The following RAB14 variants were observed in gnomAD, a reference collection of about 807,000 sequenced individuals.
RAB14 encodes ras-related protein Rab-14.
A neutral mutation model predicts 31.1 loss-of-function variants in RAB14; 3 were observed. That is an observed-to-expected ratio of 0.10 (90% CI 0.04 to 0.25). The LOEUF is 0.25. Ranked by LOEUF, RAB14 falls within the 10% of genes least tolerant of loss-of-function variation. RAB14 has a pLI of 1.00. For missense variants in RAB14, 111 were observed against 260.1 expected (o/e 0.43, Z 3.94); for synonymous variants, 85 against 84.9 (o/e 1.00, Z 0.00).
chr9:121,186,016 T>C (rs2132023474), intron 5 of RAB14, among the ~76,000 whole-genome samples: 1 of 152,290 alleles, frequency 6.6e-6, no homozygotes, highest in Non-Finnish European at 1.5e-5. Context: ...TAAAAGCTCA[T>C]CTTACCACTG....
chr9:121,179,101 T>C lies in RAB14; in HGVS notation c.*2295A>G, dbSNP rs2053617825. The C allele has an allele frequency of 6.6e-6, 1 of 152,156 alleles. No homozygotes were observed. The highest frequency in any genetic ancestry group is 6.5e-5 in the Admixed American group (1 of 15,276). The allele number at this position is 152,156 out of a possible 1,614,324, so 9.4% of individuals were successfully genotyped here. A position where few individuals can be genotyped will look rare whatever the true frequency, so the allele number is the denominator to read the frequency against. ...CACTGAAAAGGGTTGACTGAAAACATTTCAAGGGTAATGTAAACACAAGAA... is the reference window on the plus strand; with the variant it reads ...CACTGAAAAGGGTTGACTGAAAACACTTCAAGGGTAATGTAAACACAAGAA... On this transcript the variant is annotated 3_prime_UTR_variant, in exon 8 of 8. Coordinates refer to ENST00000373840, the MANE Select transcript of RAB14 (RefSeq NM_016322.4).
rs964051599 is a variant in RAB14, at chr9:121,180,033, G to A, written c.*1363C>T. 2.6e-5 allele frequency: 4 copies of A among 152,596 alleles called. No homozygotes were observed. The East Asian group carries it at 5.8e-4, about 22-fold the overall frequency. 9.5% of individuals were successfully genotyped at this position (152,596 alleles called of 1,614,324 possible). A position where few individuals can be genotyped will look rare whatever the true frequency, so the allele number is the denominator to read the frequency against. On this transcript the variant is annotated 3_prime_UTR_variant, in exon 8 of 8. Coordinates refer to ENST00000373840, the MANE Select transcript of RAB14 (RefSeq NM_016322.4). ...TCTTGCTATACAGTATTAATTCAGT[G>A]GCCAAACCACCTGGTGCAAAGTAAT...
At position 121,184,384 on chromosome 9, in the gene RAB14, T is replaced by G. The variant is rs1054724396; in HGVS notation, c.352-986A>C. ...TCTGCAAAGTTGTAAGAAAAAAATA[T>G]GTACCCTTGGGAAACAGCAAAGGGC... On this transcript the variant is annotated intron_variant, in intron 5 of 7. Transcript: ENST00000373840. Among the ~76,000 whole-genome samples the G allele has an allele frequency of 9.2e-5, 14 of 152,098 alleles. 1 individual carries two copies. The highest frequency in any genetic ancestry group is 1.9e-4 in the East Asian group (1 of 5,190).
intron 4 of RAB14, among the ~76,000 whole-genome samples, chr9:121,189,744 A>G (rs193167192): frequency 6.6e-6 from 1 of 152,264 alleles, no homozygotes; most frequent in Admixed American, 6.5e-5. Flanking sequence ...GCATTTTCCG[A>G]AAGGAAATAT....
At chr9:121,198,123 AATT>A (rs1258935163) in intron 1 of RAB14, among the ~76,000 whole-genome samples, 2 of 152,100 alleles carry the variant, frequency 1.3e-5, no homozygotes, top group Non-Finnish European at 2.9e-5. Context: ...GGAATAGAGA[AATT>A]ATTAACTTTT....
rs1220131335 is a variant in RAB14, at chr9:121,180,614, T to C, written c.*782A>G. 1.3e-5 allele frequency: 2 copies of C among 152,640 alleles called. No homozygotes were observed. The highest frequency in any genetic ancestry group is 1.9e-4 in the East Asian group (1 of 5,200). 9.5% of individuals were successfully genotyped at this position (152,640 alleles called of 1,614,324 possible). On this transcript the variant is annotated 3_prime_UTR_variant, in exon 8 of 8. Transcript: ENST00000373840. Reference sequence around the variant, plus strand: ...TTGTGTGAAATGGAAGGGAGTAACATGGTCACATATAGGTCATACTGTACA... The same window carrying C: ...TTGTGTGAAATGGAAGGGAGTAACACGGTCACATATAGGTCATACTGTACA...
At chr9:121,188,265 T>A (rs1394766112) in intron 4 of RAB14, among the ~76,000 whole-genome samples, 1 of 152,014 alleles carries the variant, frequency 6.6e-6, no homozygotes, top group African/African-American at 2.4e-5. Flanking sequence ...TATCTTGACT[T>A]TATACAACAG....
chr9:121,186,540 A>C (rs977985394), intron 5 of RAB14, among the ~76,000 whole-genome samples: 7 of 152,164 alleles, frequency 4.6e-5, no homozygotes, highest in Non-Finnish European at 8.8e-5. Flanking sequence ...CTCCTCCTGT[A>C]GTTGAAATTT....
intron 4 of RAB14, 117 bp downstream of exon 4, chr9:121,190,437 A>G: frequency 5.3e-6 from 5 of 947,628 alleles, no homozygotes; most frequent in Non-Finnish European, 7.4e-6. Context: ...ATAAAAAACA[A>G]GTAAGTTCAT....
At chr9:121,186,703 T>G (rs2053661427) in intron 5 of RAB14, among the ~76,000 whole-genome samples, 1 of 152,134 alleles carries the variant, frequency 6.6e-6, no homozygotes, top group African/African-American at 2.4e-5. Flanking sequence ...AGTCTTCACA[T>G]GAGATCACCA....
intron 5 of RAB14, among the ~76,000 whole-genome samples, chr9:121,185,446 T>C (rs1434069302): frequency 5.9e-5 from 9 of 152,102 alleles, no homozygotes; most frequent in African/African-American, 2.2e-4. Flanking sequence ...GGTGGTTCTA[T>C]GTAATTTTAT....
intron 1 of RAB14, among the ~76,000 whole-genome samples, chr9:121,193,785 T>C (rs1442187553): frequency 6.6e-6 from 1 of 152,114 alleles, no homozygotes; most frequent in Non-Finnish European, 1.5e-5. Context: ...ATCACTATAG[T>C]CTCTTCTCCC....
At chr9:121,188,106 T>TA (rs1276692543) in intron 4 of RAB14, among the ~76,000 whole-genome samples, 1 of 151,998 alleles carries the variant, frequency 6.6e-6, no homozygotes, top group Non-Finnish European at 1.5e-5. Context: ...ATATTATTCA[T>TA]AAATCACCAC....
intron 4 of RAB14, among the ~76,000 whole-genome samples, chr9:121,189,141 T>C (rs1190575412): frequency 6.6e-6 from 1 of 152,148 alleles, no homozygotes; most frequent in African/African-American, 2.4e-5. Context: ...TTCTTCCTTA[T>C]AGCTGAGTAA....
chr9:121,192,909 CT>C (rs1486340803), intron 2 of RAB14, among the ~76,000 whole-genome samples: 1 of 151,996 alleles, frequency 6.6e-6, no homozygotes, highest in Non-Finnish European at 1.5e-5. Flanking sequence ...TGAGCAAAAC[CT>C]TCTTGAAACT....
rs556099008 is a variant in RAB14 at position 121,183,926 on chromosome 9, C to G, written c.352-528G>C. 1.1e-4 allele frequency among the ~76,000 whole-genome samples: 16 copies of G among 152,256 alleles called. No individual in the cohort carries two copies. In the South Asian group the frequency reaches 1.7e-3, roughly 16 times the overall value. ...TGTAAATACTGTAATTGTGGGCATT[C>G]CCTAGAGGAGAAGATTCATGGCTTC... On this transcript the variant is annotated intron_variant, in intron 5 of 7. Coordinates refer to ENST00000373840, the MANE Select transcript of RAB14 (RefSeq NM_016322.4).
intron 5 of RAB14, among the ~76,000 whole-genome samples, chr9:121,185,212 G>A (rs2053652624): frequency 6.6e-6 from 1 of 152,112 alleles, no homozygotes; most frequent in South Asian, 2.1e-4. Flanking sequence ...CCTCTACAAT[G>A]AGTTTTGTTT....
chr9:121,189,169 A>G (rs892471800), intron 4 of RAB14, among the ~76,000 whole-genome samples: 3 of 152,038 alleles, frequency 2.0e-5, no homozygotes, highest in African/African-American at 7.2e-5. Flanking sequence ...TTGTATGGAT[A>G]TATCACAGTG....
At chr9:121,187,055 A>G (rs1301317119) in intron 4 of RAB14, 36 bp from the exon 5 acceptor site, 5 of 1,276,872 alleles carry the variant, frequency 3.9e-6, no homozygotes, top group Non-Finnish European at 2.2e-6. Flanking sequence ...TGACTGCCAT[A>G]TAATTATAGA....
Sources: allele counts gnomAD v4.1 joint callset (sites outside exome capture counted in the v4.1 genomes callset), GRCh38; gene constraint gnomAD v4.1.1; transcripts MANE v1.5; gene names NCBI Gene and HGNC (gene_info 2026-07-23, HGNC 2026-07-21).